The following XRCC5 variants were observed in gnomAD, a reference collection of about 807,000 sequenced individuals.
XRCC5 encodes X-ray repair cross complementing 5.
A neutral mutation model predicts 95.7 loss-of-function variants in XRCC5; 12 were observed. That is an observed-to-expected ratio of 0.13 (90% CI 0.08 to 0.20). The LOEUF is 0.20. XRCC5 is among the 10% of genes least tolerant of loss of function. XRCC5 has a pLI of 1.00. For missense variants in XRCC5, 595 were observed against 873.9 expected, an observed-to-expected ratio of 0.68 and a Z score of 4.02; for synonymous variants, 281 against 290.3, an observed-to-expected ratio of 0.97 and a Z score of 0.33.
rs532790913 is a variant in XRCC5, at chr2:216,134,588, C to T, written c.1113+2201C>T. 9.2e-5 allele frequency among the ~76,000 whole-genome samples: 14 copies of T among 151,754 alleles called. No homozygotes were observed. In the East Asian group the frequency reaches 9.7e-4, roughly 11 times the overall value. ...GATTACAGATGCCTGCCACAACGCC[C>T]GGCTAATTTTTGTATTTTTTGTAGA... On this transcript the variant is annotated intron_variant, in intron 10 of 20. Transcript: ENST00000392132.
intron 16 of XRCC5, chr2:216,175,175 C>G: frequency 1.6e-5 from 6 of 368,320 alleles, no homozygotes; most frequent in South Asian, 1.4e-4. Context: ...TCTCCATAGC[C>G]CCCACTACTG....
chr2:216,193,225 A>G (rs992647876), intron 18 of XRCC5, among the ~76,000 whole-genome samples: 7 of 152,204 alleles, frequency 4.6e-5, no homozygotes, highest in Admixed American at 3.9e-4. Flanking sequence ...TCACTTGCAC[A>G]GCAACCAATG....
chr2:216,198,727 A>G (rs1689780477), intron 19 of XRCC5, among the ~76,000 whole-genome samples: 1 of 151,828 alleles, frequency 6.6e-6, no homozygotes, highest in African/African-American at 2.4e-5. Flanking sequence ...TAATTTTTGT[A>G]TTTTTAGTAG....
At chr2:216,114,446 A>G (rs1218540213) in intron 2 of XRCC5, among the ~76,000 whole-genome samples, 2 of 152,018 alleles carry the variant, frequency 1.3e-5, no homozygotes, top group Admixed American at 6.6e-5. Context: ...TGTTGGTGGA[A>G]TTCAAGTAGT....
intron 1 of XRCC5, among the ~76,000 whole-genome samples, chr2:216,112,454 T>C (rs1696605246): frequency 1.3e-5 from 2 of 152,252 alleles, no homozygotes; most frequent in African/African-American, 2.4e-5. Flanking sequence ...TCTGTCTGTG[T>C]CCTCTACTAG....
chr2:216,160,222 G>C, intron 15 of XRCC5, 61 bp downstream of exon 15: 1 of 1,165,458 alleles, frequency 8.6e-7, no homozygotes, highest in African/African-American at 1.6e-5. Flanking sequence ...TTGAGGGAGA[G>C]TGCATCAATT....
intron 14 of XRCC5, among the ~76,000 whole-genome samples, chr2:216,159,459 G>C (rs1179848703): frequency 6.6e-6 from 1 of 152,000 alleles, no homozygotes; most frequent in Non-Finnish European, 1.5e-5. Context: ...ACAGAATTAG[G>C]TTTATAAAAG....
At chr2:216,117,296 C>T (rs1574451093) in intron 3 of XRCC5, 1 of 179,982 alleles carries the variant, frequency 5.6e-6, no homozygotes, top group East Asian at 1.5e-4. Flanking sequence ...CAGTTTACTC[C>T]ACAGGTCCCC....
intron 16 of XRCC5, among the ~76,000 whole-genome samples, chr2:216,171,471 C>A (rs1285346713): frequency 6.6e-6 from 1 of 152,086 alleles, no homozygotes; most frequent in Non-Finnish European, 1.5e-5. Context: ...TTTAGAGGTT[C>A]CTTATGTTTT....
At chr2:216,117,573 A>G (rs1331653405) in intron 3 of XRCC5, 173 bp from the exon 4 acceptor site, 2 of 565,148 alleles carry the variant, frequency 3.5e-6, no homozygotes, top group Admixed American at 6.0e-5. Flanking sequence ...TTTGATATAT[A>G]GAATGTATGA....
At chr2:216,203,597 T>C (rs1316445034) in intron 19 of XRCC5, among the ~76,000 whole-genome samples, 1 of 152,264 alleles carries the variant, frequency 6.6e-6, no homozygotes, top group Non-Finnish European at 1.5e-5. Flanking sequence ...CTTCACTTCC[T>C]GGACTTTGCT....
chr2:216,203,984 C>G (rs1338525147), intron 19 of XRCC5: 2 of 241,242 alleles, frequency 8.3e-6, no homozygotes, highest in East Asian at 1.6e-4. Flanking sequence ...AGCAAGCCAG[C>G]TTATTTCCTA....
intron 19 of XRCC5, among the ~76,000 whole-genome samples, chr2:216,196,267 T>A (rs2106051009): frequency 6.6e-6 from 1 of 151,560 alleles, no homozygotes; most frequent in South Asian, 2.1e-4. Context: ...AGTAGAATCC[T>A]GGAATTTTTG....
intron 16 of XRCC5, among the ~76,000 whole-genome samples, chr2:216,188,485 A>G (rs1689550597): frequency 6.6e-6 from 1 of 152,242 alleles, no homozygotes; most frequent in Admixed American, 6.5e-5. Context: ...AAAGAGAAAC[A>G]TTTATATTAT....
intron 16 of XRCC5, among the ~76,000 whole-genome samples, chr2:216,181,555 T>C (rs565378257): frequency 1.3e-5 from 2 of 152,342 alleles, no homozygotes; most frequent in South Asian, 2.1e-4. Flanking sequence ...GCCATTCTTA[T>C]CTTTACCCCC....
intron 16 of XRCC5, 83 bp from the exon 17 acceptor site, chr2:216,190,142 C>A: frequency 8.6e-7 from 1 of 1,163,590 alleles, no homozygotes; most frequent in Non-Finnish European, 1.2e-6. Context: ...AACTATAATA[C>A]ATACTTATAG....
At chr2:216,125,837 T>C in intron 6 of XRCC5, 80 bp from the exon 7 acceptor site, 2 of 1,140,466 alleles carry the variant, frequency 1.8e-6, no homozygotes, top group Non-Finnish European at 2.6e-6. Flanking sequence ...CACTTCTCAT[T>C]GTAGAAAATC....
intron 19 of XRCC5, among the ~76,000 whole-genome samples, chr2:216,198,533 TTTTATTTATTTATTTA>T (rs3080564): frequency 0.11 from 16,197 of 147,842 alleles, 928 homozygotes; most frequent in South Asian, 0.18. Context: ...TGAAAAATGC[TTTTATTTATTTATTTA>T]TTTATTTATT....
At chr2:216,123,723 T>C (rs1363144006) in intron 6 of XRCC5, among the ~76,000 whole-genome samples, 1 of 152,178 alleles carries the variant, frequency 6.6e-6, no homozygotes, top group Non-Finnish European at 1.5e-5. Flanking sequence ...AGTGAATCAC[T>C]TGAACCTAGG....
Sources: gnomAD v4.1 joint callset for allele counts (sites outside exome capture counted in the v4.1 genomes callset) on GRCh38, gnomAD v4.1.1 for gene constraint, MANE v1.5 for transcripts, NCBI Gene and HGNC (gene_info 2026-07-23, HGNC 2026-07-21) for gene names.